Variants in F2 observed in about 807,000 individuals in gnomAD.
The protein encoded by F2 is prothrombin.
In F2, 34 loss-of-function variants were observed where a neutral mutation model predicts 81.9. The observed-to-expected ratio is 0.42, with a 90% CI of 0.32 to 0.55. F2 has a LOEUF of 0.55. Ranked by LOEUF, F2 falls within the 20% of genes least tolerant of loss-of-function variation. The probability of loss-of-function intolerance (pLI) is 0.18; values close to 1 mark genes in which losing one functional copy is unlikely to be tolerated. For synonymous variants in F2, 296 were observed against 326.4 expected (o/e 0.91, Z 1.01); for missense variants, 630 against 833.4 (o/e 0.76, Z 3.00).
Position 46,726,425 on chromosome 11 carries a change from G to C in F2, c.875-73G>C. 6.4e-7 allele frequency: 1 copy of C among 1,572,978 alleles called. No individual in the cohort carries two copies. The highest frequency in any genetic ancestry group is 8.6e-7 in the Non-Finnish European group (1 of 1,160,184). Reference sequence around the variant, plus strand: ...CCAAATGGCCTCCAAGGCCCGTAGGGGAATTGGGGGGATCTAGGGGATGGG... The same window carrying C: ...CCAAATGGCCTCCAAGGCCCGTAGGCGAATTGGGGGGATCTAGGGGATGGG... On this transcript the variant is annotated intron_variant, in intron 7 of 13. Transcript: ENST00000311907. The surrounding 1 kb of genome is among the most constrained non-coding windows in gnomAD (Gnocchi z 5.9).
In F2 at chr11:46,723,250, C is replaced by T; in HGVS notation, c.387C>T (p.Cys129=). Residue 129 remains cysteine, a synonymous_variant, in exon 5 of 14, where the codon TGC becomes TGT. Coordinates refer to ENST00000311907, the MANE Select transcript of F2 (RefSeq NM_000506.5). The surrounding 1 kb of genome is among the most constrained non-coding windows in gnomAD (Gnocchi z 5.6). ...ACATCACCCGGTCAGGCATTGAGTG[C>T]CAGCTATGGAGGAGTCGCTACCCAC... The part of the protein sequence containing the change: ...HVNITRSGIE[C]QLWRSRYPHK... 2 of 1,614,044 alleles carry T rather than the reference C, an allele frequency of 1.2e-6. No individual in the cohort carries two copies. The highest frequency in any genetic ancestry group is 1.7e-6 in the Non-Finnish European group (2 of 1,180,002).
At chr11:46,731,777 A>G (rs1164540244) in intron 12 of F2, among the ~76,000 whole-genome samples, 20 of 152,130 alleles carry the variant, frequency 1.3e-4, no homozygotes, top group Admixed American at 1.3e-3. Flanking sequence ...TAACTGGCAC[A>G]TGAGAACAAT....
chr11:46,733,034 C>T (rs555492736), intron 12 of F2, among the ~76,000 whole-genome samples: 2 of 152,222 alleles, frequency 1.3e-5, no homozygotes, highest in South Asian at 4.2e-4. Context: ...GATGCATATA[C>T]CAATATCTCT....
chr11:46,719,534 G>A lies in F2; in HGVS notation c.80-168G>A, dbSNP rs1592407509. 1.0e-6 allele frequency: 1 copy of A among 977,916 alleles called. No individual in the cohort carries two copies. Among genetic ancestry groups the A allele is most frequent in the Admixed American group, 2.1e-5 (1 of 48,594 alleles). The allele number at this position is 977,916 out of a possible 1,614,324, so 60.6% of individuals were successfully genotyped here. A position where few individuals can be genotyped will look rare whatever the true frequency, so the allele number is the denominator to read the frequency against. On this transcript the variant is annotated intron_variant, in intron 1 of 13. Transcript: ENST00000311907. The surrounding 1 kb of genome is among the most constrained non-coding windows in gnomAD (Gnocchi z 4.7). The stretch of plus-strand genomic sequence containing the variant: ...CAGGCTGGGGGCAAGGGGCAGTGTA[G>A]GAGGGGCACAGGGGGCCACATTTAG...
intron 2 of F2, 107 bp from the exon 3 acceptor site, chr11:46,720,416 C>T: frequency 1.5e-6 from 2 of 1,301,718 alleles, no homozygotes; most frequent in Non-Finnish European, 2.2e-6. Context: ...AGAGCCTGCC[C>T]CCTGCGTGAC....
intron 13 of F2, 48 bp downstream of exon 13, chr11:46,739,166 T>TG (rs1009057817): frequency 2.5e-6 from 4 of 1,613,376 alleles, no homozygotes; most frequent in Non-Finnish European, 3.4e-6. Flanking sequence ...CTTCTGGGGG[T>TG]GGGGAGAAAC....
In F2 at chr11:46,719,959, C is replaced by T. The variant is rs1042917828; in HGVS notation, c.240+97C>T. 1.5e-5 allele frequency: 22 copies of T among 1,464,186 alleles called. No individual in the cohort carries two copies. The highest frequency in any genetic ancestry group is 1.1e-4 in the African/African-American group (8 of 71,604). 90.7% of individuals were successfully genotyped at this position (1,464,186 alleles called of 1,614,324 possible). On this transcript the variant is annotated intron_variant, in intron 2 of 13. Coordinates refer to ENST00000311907, the MANE Select transcript of F2 (RefSeq NM_000506.5). The surrounding 1 kb of genome is among the most constrained non-coding windows in gnomAD (Gnocchi z 4.7). ...CAAGCGAGGAACGCCACAGCCCCTT[C>T]GCTGCTCACAGCCTCATTTCAACTC...
chr11:46,729,422 C>T lies in F2; in HGVS notation c.1515C>T (p.Gly505=), dbSNP rs1337228459. The T allele has an allele frequency of 6.2e-7, 1 of 1,614,160 alleles. No homozygotes were observed. The highest frequency in any genetic ancestry group is 1.1e-5 in the South Asian group (1 of 91,082). The change falls in exon 12 of 14, where the codon GGC becomes GGT. Residue 505 remains glycine (G), a synonymous_variant. Coordinates refer to ENST00000311907, the MANE Select transcript of F2 (RefSeq NM_000506.5). ...AGYKGRVTGW[G]NLKETWTANV... ...ACAAGGGGCGGGTGACAGGCTGGGG[C>T]AACCTGAAGGAGACGTGGACAGCCA...
At chr11:46,727,001 ACTT>A (rs2064878704) in intron 9 of F2, among the ~76,000 whole-genome samples, 164 bp downstream of exon 9, 1 of 151,914 alleles carries the variant, frequency 6.6e-6, no homozygotes, top group Non-Finnish European at 1.5e-5. Flanking sequence ...TGGGTTGTTT[ACTT>A]CTTTTTTTTT....
Position 46,719,249 on chromosome 11 carries a change from G to T in F2, c.14G>T (p.Arg5Leu). The change falls in exon 1 of 14, where the codon CGA (arginine) becomes CTA (leucine). Residue 5 changes from arginine to leucine, a missense_variant. By Grantham distance (102) the Arg-to-Leu change is moderately radical. Coordinates refer to ENST00000311907, the MANE Select transcript of F2 (RefSeq NM_000506.5). The surrounding 1 kb of genome is among the most constrained non-coding windows in gnomAD (Gnocchi z 4.7). The stretch of plus-strand genomic sequence containing the variant: ...AGCTGACACACTATGGCGCACGTCC[G>T]AGGCTTGCAGCTGCCTGGCTGCCTG... MAHV[R>L]GLQLPGCLAL... The T allele has an allele frequency of 6.2e-7, 1 of 1,613,840 alleles. No individual in the cohort carries two copies. The highest frequency in any genetic ancestry group is 8.5e-7 in the Non-Finnish European group (1 of 1,180,020).
intron 12 of F2, among the ~76,000 whole-genome samples, chr11:46,730,519 A>T (rs2064904644): frequency 7.2e-6 from 1 of 137,978 alleles, no homozygotes. Context: ...TGGGGGGCTG[A>T]GGAGGGGCAG....
Position 46,726,045 on chromosome 11 carries a change from A to G in F2, c.746A>G (p.Gln249Arg). ...SAQAKALSKH[Q>R]DFNSAVQLVE... ...CAGGCCAAGGCCCTGAGCAAGCACCAGGACTTCAACTCAGCTGTGCAGCTG... is the reference window on the plus strand; with the variant it reads ...CAGGCCAAGGCCCTGAGCAAGCACCGGGACTTCAACTCAGCTGTGCAGCTG... The change falls in exon 7 of 14, where the codon CAG becomes CGG. Residue 249 changes from glutamine (Q) to arginine (R), a missense_variant. Transcript: ENST00000311907. The surrounding 1 kb of genome is among the most constrained non-coding windows in gnomAD (Gnocchi z 5.9). 1 of 1,614,212 alleles carries G rather than the reference A, an allele frequency of 6.2e-7. No homozygotes were observed. The highest frequency in any genetic ancestry group is 8.5e-7 in the Non-Finnish European group (1 of 1,180,042).
rs1421389491 is a variant in F2 at position 46,726,818 on chromosome 11, G to C, written c.1111G>C (p.Glu371Gln). The C allele has an allele frequency of 6.2e-7, 1 of 1,614,164 alleles. No individual in the cohort carries two copies. Among genetic ancestry groups the C allele is most frequent in the South Asian group, 1.1e-5 (1 of 91,082 alleles). Residue 371 changes from glutamate to glutamine, a missense_variant, in exon 9 of 14, where the codon GAG (glutamate) becomes CAG (glutamine). Glu to Gln is a conservative substitution (Grantham distance 29). Coordinates refer to ENST00000311907, the MANE Select transcript of F2 (RefSeq NM_000506.5). The surrounding 1 kb of genome is among the most constrained non-coding windows in gnomAD (Gnocchi z 5.9). ...GCGCATTGTGGAGGGCTCGGATGCA[G>C]AGATCGGCATGTCACCTTGGTGTGT... Reference protein sequence around the residue: ...DGRIVEGSDAEIGMSPWQVML... With the variant: ...DGRIVEGSDAQIGMSPWQVML...
Position 46,728,975 on chromosome 11 carries a change from G to A in F2, c.1472+138G>A, listed in dbSNP as rs3136524. 0.018 allele frequency: 13,715 copies of A among 745,596 alleles called. 157 individuals are homozygous for A. The highest frequency in any genetic ancestry group is 0.024 in the Non-Finnish European group (10,954 of 459,154). 46.2% of individuals were successfully genotyped at this position (745,596 alleles called of 1,614,324 possible). ...GGAGTGAACCCAAAAGTTCTTTTCA[G>A]TACTGGCGTTTTATTTTTTATTTAT... On this transcript the variant is annotated intron_variant, in intron 11 of 13. Coordinates refer to ENST00000311907, the MANE Select transcript of F2 (RefSeq NM_000506.5). This position sits in a 1 kb window ranked among gnomAD's most constrained non-coding sequence, Gnocchi z 5.1.
chr11:46,724,343 T>C (rs902775569), intron 6 of F2, among the ~76,000 whole-genome samples: 2 of 152,192 alleles, frequency 1.3e-5, no homozygotes, highest in Admixed American at 1.3e-4. Flanking sequence ...AGGTTGGCCC[T>C]GGCTGGGTGG....
intron 4 of F2, among the ~76,000 whole-genome samples, chr11:46,722,206 T>C (rs2064841770): frequency 6.6e-6 from 1 of 152,220 alleles, no homozygotes; most frequent in Non-Finnish European, 1.5e-5. Flanking sequence ...TGCCAGGCAC[T>C]ATATCAGGTG....
intron 13 of F2, 43 bp downstream of exon 13, chr11:46,739,161 G>A (rs1212122031): frequency 1.2e-6 from 2 of 1,613,590 alleles, no homozygotes; most frequent in East Asian, 2.2e-5. Flanking sequence ...CACATCTTCT[G>A]GGGGTGGGGA....
chr11:46,725,834 T>C, intron 6 of F2, 25 bp from the exon 7 acceptor site: 2 of 1,611,244 alleles, frequency 1.2e-6, no homozygotes, highest in Middle Eastern at 4.0e-4. Flanking sequence ...CTCACTCTGC[T>C]GCCTCCTTGC....
chr11:46,724,022 C>G (rs752493911), intron 6 of F2, among the ~76,000 whole-genome samples: 1 of 152,250 alleles, frequency 6.6e-6, no homozygotes, highest in African/African-American at 2.4e-5. Context: ...TCCTCCTCCC[C>G]CTCCCCACTC....
Sources: allele counts gnomAD v4.1 joint callset (sites outside exome capture counted in the v4.1 genomes callset), GRCh38; gene constraint gnomAD v4.1.1; non-coding constraint Gnocchi (gnomAD v3.1); transcripts MANE v1.5; gene names NCBI Gene and HGNC (gene_info 2026-07-23, HGNC 2026-07-21).